DIAPH2: variants seen among roughly 807,000 people sequenced by gnomAD.
The protein encoded by DIAPH2 is diaphanous related formin 2, also known as protein diaphanous homolog 2.
DIAPH2 carries 35 observed loss-of-function variants against 92.7 expected under a neutral mutation model. The ratio of observed to expected loss-of-function variants is 0.38; its 90% CI spans 0.29 to 0.50. The LOEUF (loss-of-function observed/expected upper bound fraction) is 0.50, where lower values mean the gene tolerates loss of function less well. DIAPH2 is among the 20% of genes least tolerant of loss of function. DIAPH2 has a pLI of 0.94. For missense variants in DIAPH2, 701 were observed against 819.5 expected (o/e 0.86, Z 1.77); for synonymous variants, 301 against 280.4 (o/e 1.07, Z -0.73).
At chrX:97,350,867 G>C (rs1359587966) in intron 24 of DIAPH2, among the ~76,000 whole-genome samples, 1 of 112,154 alleles carries the variant, frequency 8.9e-6, no homozygotes, top group Non-Finnish European at 1.9e-5. Flanking sequence ...TACAGAGTAA[G>C]AATTTTTCAT....
At chrX:97,181,136 C>G (rs1357571192) in intron 22 of DIAPH2, among the ~76,000 whole-genome samples, 2 of 108,581 alleles carry the variant, frequency 1.8e-5, no homozygotes, top group Non-Finnish European at 3.8e-5. Context: ...GTGGTGTGAT[C>G]TCGGCTCACC....
At chrX:97,374,685 C>T (rs2069482514) in intron 24 of DIAPH2, among the ~76,000 whole-genome samples, 2 of 111,872 alleles carry the variant, frequency 1.8e-5, no homozygotes, top group African/African-American at 6.5e-5. Context: ...TGTCATGACT[C>T]CTTCAATCCA....
intron 26 of DIAPH2, among the ~76,000 whole-genome samples, chrX:97,531,941 A>C: frequency 8.9e-6 from 1 of 112,670 alleles, no homozygotes; most frequent in South Asian, 3.6e-4. Context: ...AGATTAGAGT[A>C]ACTTCATTTT....
intron 20 of DIAPH2, among the ~76,000 whole-genome samples, chrX:97,101,517 G>C (rs1185185855): frequency 9.0e-6 from 1 of 110,628 alleles, no homozygotes. Context: ...CATGTCTGGG[G>C]GTGGGGGGCG....
Position 97,185,391 on chromosome X carries a change from A to ATGTATATATATATG in DIAPH2, c.2719+43600_2719+43601insATATATATATGTGT, listed in dbSNP as rs2067580504. ...TATGTATATATATATGTATATATAT[A>ATGTATATATATATG]TGTGTATATATATATATATGTATAT... On this transcript the variant is annotated intron_variant, in intron 22 of 26. Coordinates refer to ENST00000324765, the MANE Select transcript of DIAPH2 (RefSeq NM_006729.5). Among the ~76,000 whole-genome samples the ATGTATATATATATG allele has an allele frequency of 7.3e-5, 2 of 27,362 alleles. 1 individual carries two copies. Among genetic ancestry groups the ATGTATATATATATG allele is most frequent in the Non-Finnish European group, 1.0e-4 (2 of 19,199 alleles). 23.8% of individuals were successfully genotyped at this position (27,362 alleles called of 115,157 possible).
intron 17 of DIAPH2, among the ~76,000 whole-genome samples, chrX:97,014,960 CAT>C (rs1228984676): frequency 1.8e-5 from 2 of 111,787 alleles, no homozygotes; most frequent in African/African-American, 3.2e-5. Flanking sequence ...AGAGTTAAAA[CAT>C]GTGTATCGCT....
intron 23 of DIAPH2, among the ~76,000 whole-genome samples, chrX:97,284,469 G>A (rs776688527): frequency 4.5e-5 from 5 of 110,123 alleles, no homozygotes; most frequent in Admixed American, 9.8e-5. Context: ...AATTAGCCGA[G>A]CATAGTGGTG....
At chrX:97,340,660 T>TG (rs1351767876) in intron 23 of DIAPH2, among the ~76,000 whole-genome samples, 1 of 98,175 alleles carries the variant, frequency 1.0e-5, no homozygotes, top group African/African-American at 3.7e-5. Flanking sequence ...TTTTTTTTGT[T>TG]TTTTTTTTTT....
chrX:96,985,611 T>C (rs1222653328), intron 17 of DIAPH2, among the ~76,000 whole-genome samples: 1 of 111,082 alleles, frequency 9.0e-6, no homozygotes, highest in Non-Finnish European at 1.9e-5. Flanking sequence ...TTCACTATCA[T>C]GTAAAAGGCC....
chrX:96,891,380 T>A (rs1243458156), intron 5 of DIAPH2, among the ~76,000 whole-genome samples: 1 of 112,175 alleles, frequency 8.9e-6, no homozygotes, highest in African/African-American at 3.2e-5. Flanking sequence ...AATCCCAATC[T>A]GCCATCACAA....
At chrX:97,011,074 AAAG>A (rs2066221704) in intron 17 of DIAPH2, among the ~76,000 whole-genome samples, 1 of 112,468 alleles carries the variant, frequency 8.9e-6, no homozygotes, top group African/African-American at 3.2e-5. Context: ...AAACTCAAGA[AAAG>A]AAGCAAACTC....
intron 1 of DIAPH2, among the ~76,000 whole-genome samples, chrX:96,696,058 A>C (rs2063823684): frequency 8.9e-6 from 1 of 111,919 alleles, no homozygotes; most frequent in Admixed American, 9.5e-5. Flanking sequence ...GATCCTATTA[A>C]GTGTTTTTTA....
At chrX:96,717,858 A>T (rs1242866860) in intron 1 of DIAPH2, among the ~76,000 whole-genome samples, 1 of 75,868 alleles carries the variant, frequency 1.3e-5, no homozygotes, top group African/African-American at 5.0e-5. Flanking sequence ...ATATATATAT[A>T]TTCACATGAG....
At chrX:96,930,318 A>G (rs2065611154) in intron 9 of DIAPH2, among the ~76,000 whole-genome samples, 1 of 110,722 alleles carries the variant, frequency 9.0e-6, no homozygotes, top group African/African-American at 3.3e-5. Flanking sequence ...ATATTAGGGT[A>G]CTTTTATATC....
intron 23 of DIAPH2, among the ~76,000 whole-genome samples, chrX:97,273,774 T>C (rs1161972399): frequency 8.9e-6 from 1 of 111,944 alleles, no homozygotes; most frequent in Non-Finnish European, 1.9e-5. Flanking sequence ...ATAATAGTTA[T>C]TTTAGGTTTC....
intron 4 of DIAPH2, among the ~76,000 whole-genome samples, chrX:96,819,561 A>G (rs1177272012): frequency 8.9e-6 from 1 of 111,756 alleles, no homozygotes; most frequent in Non-Finnish European, 1.9e-5. Flanking sequence ...TTCCATTACA[A>G]GTGTTTCTAG....
chrX:97,392,988 G>A (rs941613838), intron 25 of DIAPH2, among the ~76,000 whole-genome samples: 2 of 111,418 alleles, frequency 1.8e-5, no homozygotes, highest in Non-Finnish European at 3.8e-5. Context: ...GGATGGAGCC[G>A]GGCTGTGAAA....
intron 23 of DIAPH2, among the ~76,000 whole-genome samples, chrX:97,309,284 A>T (rs369066916): frequency 1.1e-3 from 122 of 109,437 alleles, no homozygotes; most frequent in African/African-American, 3.7e-3. Flanking sequence ...TTTTTAGTAG[A>T]GACGGGGTTT....
chrX:97,224,739 A>T (rs2067952059), intron 22 of DIAPH2, among the ~76,000 whole-genome samples: 1 of 111,626 alleles, frequency 9.0e-6, no homozygotes, highest in Non-Finnish European at 1.9e-5. Flanking sequence ...ACCAACTCAA[A>T]ATATCTAAGT....
Sources: allele counts gnomAD v4.1 joint callset (sites outside exome capture counted in the v4.1 genomes callset), GRCh38; gene constraint gnomAD v4.1.1; transcripts MANE v1.5; gene names NCBI Gene and HGNC (gene_info 2026-07-23, HGNC 2026-07-21).